The following NEBL variants were observed in gnomAD, a reference collection of about 807,000 sequenced individuals.
NEBL encodes nebulette.
In NEBL, 122 loss-of-function variants were observed where a neutral mutation model predicts 140.2. The ratio of observed to expected loss-of-function variants is 0.87; its 90% confidence interval spans 0.75 to 1.01. NEBL has a LOEUF of 1.01. Among genes scored for constraint, NEBL ranks in the 50% least tolerant of loss-of-function variants. NEBL has a pLI of 0.00. For synonymous variants in NEBL, 436 were observed against 398.9 expected, an observed-to-expected ratio of 1.09 and a Z score of -1.11; for missense variants, 1,365 against 1,231.3, an observed-to-expected ratio of 1.11 and a Z score of -1.62.
intron 3 of NEBL, among the ~76,000 whole-genome samples, chr10:21,241,331 G>A (rs1842437612): frequency 6.6e-6 from 1 of 151,958 alleles, no homozygotes; most frequent in African/African-American, 2.4e-5. Context: ...CCTGAGCCAG[G>A]CCACCAGGGG....
chr10:21,104,251 C>A (rs1837609393), intron 2 of NEBL, among the ~76,000 whole-genome samples: 1 of 152,150 alleles, frequency 6.6e-6, no homozygotes, highest in African/African-American at 2.4e-5. Flanking sequence ...ATCAGCAAGT[C>A]AAATTCTACA....
chr10:20,984,754 G>A lies in NEBL; in HGVS notation c.250-22975C>T, dbSNP rs117023276. 0.022 allele frequency among the ~76,000 whole-genome samples: 3,271 copies of A among 152,048 alleles called. 385 individuals carry two copies. In the East Asian group the frequency reaches 0.36, roughly 17 times the overall value. ...AACCCCCAGGCCACGGACTGGTACC[G>A]GTCCATGGCCTGCTAGGAGCCGGGC... On this transcript the variant is annotated intron_variant, in intron 3 of 6. Transcript: ENST00000417816.
chr10:20,911,470 A>G lies in NEBL; in HGVS notation c.357+50202T>C, dbSNP rs142836209. Among the ~76,000 whole-genome samples, 351 of 152,330 alleles carry G rather than the reference A, an allele frequency of 2.3e-3. 1 individual carries two copies. The highest frequency in any genetic ancestry group is 8.1e-3 in the African/African-American group (338 of 41,566). On this transcript the variant is annotated intron_variant, in intron 4 of 6. Coordinates refer to the NEBL transcript ENST00000417816. ...TATTATGATTACATTTCAGAAACTA[A>G]CCAGGTATGCCTGAATGGCCAATAA...
At chr10:21,032,524 C>A (rs758183554) in intron 2 of NEBL, among the ~76,000 whole-genome samples, 12 of 152,160 alleles carry the variant, frequency 7.9e-5, no homozygotes, top group African/African-American at 1.2e-4. Context: ...GTAGCAGCAC[C>A]TCTATAAACA....
intron 2 of NEBL, among the ~76,000 whole-genome samples, chr10:21,028,235 C>CAAAAAAAAAAAAAAAAAAAAAAAA (rs1168946872): frequency 1.5e-5 from 1 of 66,210 alleles, no homozygotes; most frequent in African/African-American, 7.0e-5. Context: ...TCAAACATCT[C>CAAAAAAAAAAAAAAAAAAAAAAAA]AAAAAAAAAA....
chr10:20,843,909 C>T (rs1451212234), intron 12 of NEBL, among the ~76,000 whole-genome samples: 1 of 152,094 alleles, frequency 6.6e-6, no homozygotes, highest in African/African-American at 2.4e-5. Context: ...TACGGTGCTG[C>T]AGAACACCAG....
chr10:21,081,530 A>G (rs367620077), intron 2 of NEBL, among the ~76,000 whole-genome samples: 7 of 152,332 alleles, frequency 4.6e-5, no homozygotes, highest in Non-Finnish European at 1.0e-4. Context: ...ATTGATATTT[A>G]ACACACACAT....
intron 1 of NEBL, among the ~76,000 whole-genome samples, chr10:21,285,570 T>C (rs893009451): frequency 9.8e-5 from 15 of 152,306 alleles, no homozygotes; most frequent in African/African-American, 3.1e-4. Flanking sequence ...CCAACCACCT[T>C]GGGGACATGT....
At chr10:21,179,512 A>G (rs1003617477), upstream of NEBL, among the ~76,000 whole-genome samples, 1 of 150,856 alleles carries the variant, frequency 6.6e-6, no homozygotes, top group Non-Finnish European at 1.5e-5. Context: ...TCATCCCCTT[A>G]AGAACTCCAG....
At chr10:20,825,352 T>C (rs1839735137) in intron 18 of NEBL, among the ~76,000 whole-genome samples, 1 of 152,102 alleles carries the variant, frequency 6.6e-6, no homozygotes, top group African/African-American at 2.4e-5. Flanking sequence ...TCCTTTTTAC[T>C]TCCTCAAGAA....
At chr10:21,271,557 A>T (rs559698381) in intron 1 of NEBL, among the ~76,000 whole-genome samples, 1 of 146,776 alleles carries the variant, frequency 6.8e-6, no homozygotes, top group African/African-American at 2.5e-5. Flanking sequence ...ATGGAGTTCC[A>T]CTTTGTCATC....
chr10:20,788,418 G>A (rs765241838), intron 26 of NEBL, among the ~76,000 whole-genome samples: 9 of 152,036 alleles, frequency 5.9e-5, no homozygotes, highest in Non-Finnish European at 7.4e-5. Flanking sequence ...TTAATTCTGA[G>A]TGTTATGAAT....
Position 21,288,659 on chromosome 10 carries a change from GC to G in NEBL, n.182+4170del, listed in dbSNP as rs544141321. On this transcript the variant is annotated intron_variant and non_coding_transcript_variant, in intron 1 of 8. Coordinates refer to the NEBL transcript ENST00000675702. ...ACCTGTAATCCCAGCTACTTTCGAG[GC>G]TGAGGCAGAGAATTGCTCAAACCCA... 5.4e-5 allele frequency among the ~76,000 whole-genome samples: 8 copies of G among 147,634 alleles called. No individual in the cohort carries two copies. The East Asian group carries it at 1.7e-3, about 31-fold the overall frequency.
At chr10:20,923,666 C>CAAAAAAA (rs71390799) in intron 4 of NEBL, among the ~76,000 whole-genome samples, 4,686 of 28,318 alleles carry the variant, frequency 0.17, 1,432 homozygotes, top group Non-Finnish European at 0.23. Context: ...GACTCCGTCT[C>CAAAAAAA]AAAAAAAAAA....
intron 2 of NEBL, among the ~76,000 whole-genome samples, chr10:21,137,687 C>G (rs1469376772): frequency 6.6e-6 from 1 of 152,066 alleles, no homozygotes. Flanking sequence ...AATCCCAGCA[C>G]TTTGGGAGGC....
intron 3 of NEBL, among the ~76,000 whole-genome samples, chr10:20,975,732 G>A (rs1215091817): frequency 6.6e-6 from 1 of 152,138 alleles, no homozygotes; most frequent in Non-Finnish European, 1.5e-5. Flanking sequence ...TCTTGGACAT[G>A]TTAACCATTC....
intron 3 of NEBL, among the ~76,000 whole-genome samples, chr10:20,979,147 G>A (rs1398259327): frequency 1.3e-5 from 2 of 152,144 alleles, no homozygotes; most frequent in Non-Finnish European, 2.9e-5. Flanking sequence ...ACTGGGCACG[G>A]TGGCTCACGC....
chr10:20,876,226 C>T (rs1208862150), intron 5 of NEBL, among the ~76,000 whole-genome samples: 1 of 151,992 alleles, frequency 6.6e-6, no homozygotes, highest in Non-Finnish European at 1.5e-5. Context: ...GAGTTATGGC[C>T]AGAATGGCTT....
At chr10:21,174,348 C>A (rs1412438980), upstream of NEBL, 1 of 152,416 alleles carries the variant, frequency 6.6e-6, no homozygotes, top group Non-Finnish European at 1.5e-5. Flanking sequence ...CCTCGCGCCA[C>A]CGCCGCTGCA....
Sources: gnomAD v4.1 joint callset for allele counts (sites outside exome capture counted in the v4.1 genomes callset) on GRCh38, gnomAD v4.1.1 for gene constraint, MANE v1.5 for transcripts, NCBI Gene and HGNC (gene_info 2026-07-23, HGNC 2026-07-21) for gene names.